Variants in PACRG observed in about 807,000 individuals in gnomAD.
The protein encoded by PACRG is parkin coregulated, also known as parkin coregulated gene protein.
In PACRG, 29 loss-of-function variants were observed where a neutral mutation model predicts 29.7. That is an observed-to-expected ratio of 0.98 (90% CI 0.73 to 1.33). The LOEUF is 1.33. PACRG is among the 40% of genes most tolerant of loss of function. PACRG has a pLI of 0.00. For synonymous variants in PACRG, 116 were observed against 118.7 expected (o/e 0.98, Z 0.15); for missense variants, 279 against 316.2 (o/e 0.88, Z 0.89).
intron 4 of PACRG, among the ~76,000 whole-genome samples, chr6:163,102,844 C>A (rs1427997575): frequency 6.6e-6 from 1 of 152,130 alleles, no homozygotes; most frequent in East Asian, 1.9e-4. Context: ...TGAGATCCAA[C>A]AGCAATGAGC....
intron 1 of PACRG, among the ~76,000 whole-genome samples, chr6:162,749,937 A>G (rs556777324): frequency 6.6e-6 from 1 of 152,350 alleles, no homozygotes; most frequent in East Asian, 1.9e-4. Context: ...CATAGTTTCT[A>G]TAGAAGCTTT....
intron 3 of PACRG, among the ~76,000 whole-genome samples, chr6:163,088,823 C>G (rs1813830600): frequency 6.6e-6 from 1 of 152,098 alleles, no homozygotes; most frequent in Admixed American, 6.5e-5. Context: ...CACCCTCCTT[C>G]CCAAATGTTC....
At chr6:162,787,582 G>GTGTGTGTGTA (rs1198197561) in intron 1 of PACRG, among the ~76,000 whole-genome samples, 1 of 62,410 alleles carries the variant, frequency 1.6e-5, no homozygotes, top group African/African-American at 6.0e-5. Context: ...GTGTGTGTGT[G>GTGTGTGTGTA]TATATATATA....
intron 4 of PACRG, among the ~76,000 whole-genome samples, chr6:163,091,082 A>G (rs1193180813): frequency 6.6e-6 from 1 of 152,220 alleles, no homozygotes; most frequent in Non-Finnish European, 1.5e-5. Context: ...CTACTGCAAC[A>G]CTGCTTTAAT....
rs10684097 is a variant in PACRG, at chr6:163,168,558, A to AAAC, written c.613+79159_613+79161dup. Reference sequence around the variant, plus strand: ...ATCTGCTTTAACTCCTATTCTAATAAAACAACAACAAGAACTCTGAAAATG... The same window carrying AAAC: ...ATCTGCTTTAACTCCTATTCTAATAAAACAACAACAACAAGAACTCTGAAAATG... On this transcript the variant is annotated intron_variant, in intron 4 of 4. Coordinates refer to ENST00000366888, the MANE Select transcript of PACRG (RefSeq NM_001080379.2). Among the ~76,000 whole-genome samples, 3 of 151,564 alleles carry AAAC rather than the reference A, an allele frequency of 2.0e-5. No individual in the cohort carries two copies. The East Asian group carries it at 5.8e-4, about 29-fold the overall frequency.
chr6:163,179,682 C>T (rs910479041), intron 4 of PACRG, among the ~76,000 whole-genome samples: 22 of 148,370 alleles, frequency 1.5e-4, no homozygotes, highest in Non-Finnish European at 1.9e-4. Context: ...GCACTCCAGC[C>T]GGAGCAAGAG....
At position 163,148,326 on chromosome 6, in the gene PACRG, T is replaced by A. The variant is rs1777888351; in HGVS notation, c.613+58918T>A. Among the ~76,000 whole-genome samples, 3 of 152,154 alleles carry A rather than the reference T, an allele frequency of 2.0e-5. No individual in the cohort carries two copies. The South Asian group carries it at 6.2e-4, about 32-fold the overall frequency. Reference sequence around the variant, plus strand: ...ATGCACTGTAAGAATATTTTTACATTTTTTTCATTGAATAATTCATTTAAA... The same window carrying A: ...ATGCACTGTAAGAATATTTTTACATATTTTTCATTGAATAATTCATTTAAA... On this transcript the variant is annotated intron_variant, in intron 4 of 4. Coordinates refer to ENST00000366888, the MANE Select transcript of PACRG (RefSeq NM_001080379.2).
chr6:163,150,419 C>A (rs149288111), intron 4 of PACRG, among the ~76,000 whole-genome samples: 1 of 152,312 alleles, frequency 6.6e-6, no homozygotes, highest in African/African-American at 2.4e-5. Context: ...GGGACCTTAC[C>A]TTCCTGCTCC....
rs1430965167 is a variant in PACRG at position 162,947,607 on chromosome 6, TAATC to T, written c.292-114541_292-114538del. On this transcript the variant is annotated intron_variant, in intron 2 of 4. Coordinates refer to ENST00000366888, the MANE Select transcript of PACRG (RefSeq NM_001080379.2). The stretch of plus-strand genomic sequence containing the variant: ...TCATATATATAATCATATATATATA[TAATC>T]ATATATATATATATATATATATATA... Among the ~76,000 whole-genome samples, 15 of 58,320 alleles carry T rather than the reference TAATC, an allele frequency of 2.6e-4. 1 individual carries two copies. Among genetic ancestry groups the T allele is most frequent in the Admixed American group, 1.3e-3 (5 of 3,906 alleles). 38.3% of individuals were successfully genotyped at this position (58,320 alleles called of 152,430 possible).
At chr6:162,868,890 A>G (rs1026618136) in intron 2 of PACRG, among the ~76,000 whole-genome samples, 21 of 151,578 alleles carry the variant, frequency 1.4e-4, no homozygotes, top group African/African-American at 4.4e-4. Flanking sequence ...GACCTGTTCT[A>G]GGAGGACTAC....
chr6:162,761,723 G>A (rs1279211516), intron 1 of PACRG, among the ~76,000 whole-genome samples: 1 of 152,036 alleles, frequency 6.6e-6, no homozygotes, highest in Admixed American at 6.6e-5. Context: ...CAGATCACGA[G>A]GTCAAGAGAC....
chr6:163,032,338 A>G (rs1005523466), intron 2 of PACRG, among the ~76,000 whole-genome samples: 1 of 152,208 alleles, frequency 6.6e-6, no homozygotes, highest in Non-Finnish European at 1.5e-5. Flanking sequence ...GAGAGTTCTG[A>G]AAGTTTTTTC....
intron 4 of PACRG, among the ~76,000 whole-genome samples, chr6:163,107,402 T>G (rs2128317233): frequency 6.6e-6 from 1 of 152,312 alleles, no homozygotes; most frequent in African/African-American, 2.4e-5. Context: ...CTGGAATTTT[T>G]CAGACTGAGA....
chr6:162,775,134 C>T (rs1460348022), intron 1 of PACRG, among the ~76,000 whole-genome samples: 1 of 152,128 alleles, frequency 6.6e-6, no homozygotes, highest in Non-Finnish European at 1.5e-5. Flanking sequence ...ATTTGTTCTC[C>T]CCTTCCACCA....
chr6:162,938,273 A>G (rs1316234692), intron 2 of PACRG, among the ~76,000 whole-genome samples: 4 of 152,172 alleles, frequency 2.6e-5, no homozygotes, highest in Non-Finnish European at 4.4e-5. Flanking sequence ...GTAAATATAT[A>G]CCACAGTTTC....
intron 4 of PACRG, among the ~76,000 whole-genome samples, chr6:163,152,541 C>T (rs892946017): frequency 1.3e-5 from 2 of 152,176 alleles, no homozygotes; most frequent in Admixed American, 6.5e-5. Context: ...GGAACAAAGC[C>T]TAGAACATAG....
chr6:162,973,936 A>G (rs2128163018), intron 2 of PACRG, among the ~76,000 whole-genome samples: 1 of 152,346 alleles, frequency 6.6e-6, no homozygotes, highest in East Asian at 1.9e-4. Context: ...CAAGGAAACA[A>G]GCCCCAAAGC....
At chr6:162,947,601 T>TAATC (rs1799265705) in intron 2 of PACRG, among the ~76,000 whole-genome samples, 1 of 70,780 alleles carries the variant, frequency 1.4e-5, no homozygotes, top group Non-Finnish European at 2.8e-5. Context: ...TAATCATATA[T>TAATC]ATATATAATC....
At chr6:163,252,826 G>A (rs1047400271) in intron 4 of PACRG, among the ~76,000 whole-genome samples, 7 of 152,160 alleles carry the variant, frequency 4.6e-5, no homozygotes, top group Non-Finnish European at 5.9e-5. Flanking sequence ...TTGTGCAGTC[G>A]CTTACAACTT....
Sources: gnomAD v4.1 joint callset for allele counts (sites outside exome capture counted in the v4.1 genomes callset) on GRCh38, gnomAD v4.1.1 for gene constraint, MANE v1.5 for transcripts, NCBI Gene and HGNC (gene_info 2026-07-23, HGNC 2026-07-21) for gene names.